C1QTNF7: variants seen among roughly 807,000 people sequenced by gnomAD.
C1QTNF7 encodes the protein C1q and TNF related 7.
A neutral mutation model predicts 19.6 loss-of-function variants in C1QTNF7; 15 were observed. The ratio of observed to expected loss-of-function variants is 0.76; its 90% CI spans 0.51 to 1.18. The LOEUF (loss-of-function observed/expected upper bound fraction) is 1.18, where lower values mean the gene tolerates loss of function less well. Ranked by LOEUF, C1QTNF7 falls within the 50% of genes most tolerant of loss-of-function variation. The pLI, the probability that C1QTNF7 is intolerant of heterozygous loss-of-function variation, is 0.00. For missense variants in C1QTNF7, 324 were observed against 359.7 expected (o/e 0.90, Z 0.80); for synonymous variants, 142 against 137.5 (o/e 1.03, Z -0.23).
intron 2 of C1QTNF7, among the ~76,000 whole-genome samples, chr4:15,441,439 A>T (rs1245843876): frequency 1.3e-5 from 2 of 152,234 alleles, no homozygotes; most frequent in Admixed American, 6.5e-5. Flanking sequence ...TAATTCTCTT[A>T]TTATTATCAC....
At chr4:15,375,811 AAATAAAT>A (rs1717918649) in intron 1 of C1QTNF7, among the ~76,000 whole-genome samples, 1 of 152,202 alleles carries the variant, frequency 6.6e-6, no homozygotes, top group South Asian at 2.1e-4. Context: ...AGCTCCTCCA[AAATAAAT>A]AATAATTGCC....
intron 1 of C1QTNF7, among the ~76,000 whole-genome samples, chr4:15,420,988 C>T (rs1394421850): frequency 6.6e-6 from 1 of 151,832 alleles, no homozygotes; most frequent in East Asian, 1.9e-4. Flanking sequence ...GCAAGAGGCA[C>T]CACCTGCCGC....
intron 1 of C1QTNF7, among the ~76,000 whole-genome samples, chr4:15,396,630 TA>T (rs201503412): frequency 2.0e-5 from 3 of 151,532 alleles, no homozygotes; most frequent in South Asian, 2.1e-4. Context: ...ATAATAAAGC[TA>T]AAAAAAAGGT....
Position 15,394,509 on chromosome 4 carries a change from C to T in C1QTNF7, c.14-41227C>T, listed in dbSNP as rs115823987. Among the ~76,000 whole-genome samples, 986 of 152,292 alleles carry T rather than the reference C, an allele frequency of 6.5e-3. 16 individuals carry two copies. Among genetic ancestry groups the T allele is most frequent in the African/African-American group, 0.023 (938 of 41,568 alleles). ...AAACAAATTCATCCTCATATGTGTACATGTTTGTGCAGAGTCTCAAAAAGG... is the reference window on the plus strand; with the variant it reads ...AAACAAATTCATCCTCATATGTGTATATGTTTGTGCAGAGTCTCAAAAAGG... On this transcript the variant is annotated intron_variant, in intron 1 of 2. Coordinates refer to the C1QTNF7 transcript ENST00000295297.
At chr4:15,342,926 C>T (rs902988936) in intron 1 of C1QTNF7, among the ~76,000 whole-genome samples, 3 of 152,154 alleles carry the variant, frequency 2.0e-5, no homozygotes, top group African/African-American at 4.8e-5. Context: ...GTATGAACTT[C>T]GGCCCATTCA....
chr4:15,438,943 A>G (rs999022020), intron 2 of C1QTNF7, among the ~76,000 whole-genome samples: 2 of 152,224 alleles, frequency 1.3e-5, no homozygotes, highest in East Asian at 1.9e-4. Flanking sequence ...AGATGGATGG[A>G]AGGATAGAAT....
intron 1 of C1QTNF7, among the ~76,000 whole-genome samples, chr4:15,407,000 G>C (rs1304595594): frequency 2.0e-5 from 3 of 151,972 alleles, no homozygotes; most frequent in Non-Finnish European, 4.4e-5. Context: ...TTCCCATTTT[G>C]GAACAACTGA....
chr4:15,408,517 AATGTATGT>A (rs919998930), intron 1 of C1QTNF7, among the ~76,000 whole-genome samples: 19 of 152,110 alleles, frequency 1.2e-4, no homozygotes, highest in African/African-American at 4.6e-4. Context: ...TACAGATAAG[AATGTATGT>A]ATGTATGTAT....
At chr4:15,412,683 G>C (rs1464495306) in intron 1 of C1QTNF7, among the ~76,000 whole-genome samples, 3 of 152,198 alleles carry the variant, frequency 2.0e-5, no homozygotes, top group Non-Finnish European at 4.4e-5. Context: ...CTTGGGATGA[G>C]AACTAGACAT....
chr4:15,359,762 G>C (rs946813175), intron 1 of C1QTNF7, among the ~76,000 whole-genome samples: 1 of 152,170 alleles, frequency 6.6e-6, no homozygotes, highest in Non-Finnish European at 1.5e-5. Flanking sequence ...TTGATGACCA[G>C]TCTACCCCCA....
In C1QTNF7 at chr4:15,389,268, G is replaced by C. The variant is rs181513459; in HGVS notation, c.14-46468G>C. 5.4e-3 allele frequency among the ~76,000 whole-genome samples: 818 copies of C among 152,224 alleles called. 9 individuals are homozygous for C. Among genetic ancestry groups the C allele is most frequent in the African/African-American group, 0.019 (789 of 41,522 alleles). On this transcript the variant is annotated intron_variant, in intron 1 of 2. Coordinates refer to the C1QTNF7 transcript ENST00000295297. ...TTTGAAGAGCATGAACTGGGGAGAA[G>C]GGTGTGATGAGAGCCCCCAGTGGCC...
At chr4:15,359,590 C>A (rs1717265137) in intron 1 of C1QTNF7, among the ~76,000 whole-genome samples, 1 of 152,234 alleles carries the variant, frequency 6.6e-6, no homozygotes. Context: ...CACATCCCCA[C>A]AATTGAATTA....
chr4:15,342,911 A>G (rs1314419606), intron 1 of C1QTNF7, among the ~76,000 whole-genome samples: 1 of 152,202 alleles, frequency 6.6e-6, no homozygotes, highest in Non-Finnish European at 1.5e-5. Context: ...TGCTCCTTCA[A>G]TGATGTATGA....
chr4:15,393,974 G>A (rs1254779105), intron 1 of C1QTNF7, among the ~76,000 whole-genome samples: 1 of 151,944 alleles, frequency 6.6e-6, no homozygotes, highest in Non-Finnish European at 1.5e-5. Context: ...GGGGAAGTAA[G>A]GGCAGAGGGG....
At chr4:15,379,751 C>T (rs978529021) in intron 1 of C1QTNF7, among the ~76,000 whole-genome samples, 3 of 152,170 alleles carry the variant, frequency 2.0e-5, no homozygotes, top group Non-Finnish European at 4.4e-5. Context: ...CTTTGGAGGT[C>T]TATTAAAACC....
At chr4:15,411,853 A>G (rs746986923) in intron 1 of C1QTNF7, among the ~76,000 whole-genome samples, 9 of 152,022 alleles carry the variant, frequency 5.9e-5, no homozygotes, top group Non-Finnish European at 1.2e-4. Context: ...TGCCTTTTCT[A>G]TCTTCTAGAG....
At chr4:15,359,414 A>G (rs1273929297) in intron 1 of C1QTNF7, among the ~76,000 whole-genome samples, 2 of 151,996 alleles carry the variant, frequency 1.3e-5, no homozygotes, top group East Asian at 3.9e-4. Context: ...TGGGAACTCA[A>G]TGGGTACAAA....
chr4:15,409,873 T>C (rs13124324), intron 1 of C1QTNF7, among the ~76,000 whole-genome samples: 56,086 of 152,060 alleles, frequency 0.37, 10,521 homozygotes, highest in East Asian at 0.55. Context: ...ATAGGGAACC[T>C]TCAGTAAATC....
At chr4:15,421,360 G>A (rs920332180) in intron 1 of C1QTNF7, among the ~76,000 whole-genome samples, 3 of 152,076 alleles carry the variant, frequency 2.0e-5, no homozygotes, top group African/African-American at 7.2e-5. Flanking sequence ...CAGGTCTCTG[G>A]CCTTCGGATG....
Sources: allele counts gnomAD v4.1 joint callset (sites outside exome capture counted in the v4.1 genomes callset), GRCh38; gene constraint gnomAD v4.1.1; transcripts MANE v1.5; gene names NCBI Gene and HGNC (gene_info 2026-07-23, HGNC 2026-07-21).